MRTFB: variants seen among roughly 807,000 people sequenced by gnomAD.
MRTFB encodes myocardin-related transcription factor B.
Under a neutral mutation model 104.2 loss-of-function variants are expected in MRTFB, and 29 were observed. That is an observed-to-expected ratio of 0.28 (90% CI 0.21 to 0.38). The LOEUF is 0.38. Among genes scored for constraint, MRTFB ranks in the 10% least tolerant of loss-of-function variants. The pLI, the probability that MRTFB is intolerant of heterozygous loss-of-function variation, is 1.00. For synonymous variants in MRTFB, 535 were observed against 519.5 expected, an observed-to-expected ratio of 1.03 and a Z score of -0.41; for missense variants, 1,270 against 1,341.6, an observed-to-expected ratio of 0.95 and a Z score of 0.83.
At chr16:14,149,713 A>G (rs889798855) in intron 3 of MRTFB, among the ~76,000 whole-genome samples, 3 of 152,230 alleles carry the variant, frequency 2.0e-5, no homozygotes, top group Non-Finnish European at 4.4e-5. Context: ...CCTCTAGTAC[A>G]ATGTTGAAAG....
At chr16:14,113,899 T>C (rs1177420980) in intron 2 of MRTFB, among the ~76,000 whole-genome samples, 1 of 152,248 alleles carries the variant, frequency 6.6e-6, no homozygotes, top group Non-Finnish European at 1.5e-5. Context: ...TCTGGTTTCA[T>C]AGGTCTCTTG....
the MRTFB span, among the ~76,000 whole-genome samples, chr16:14,060,990 C>CA: frequency 6.6e-6 from 1 of 152,094 alleles, no homozygotes; most frequent in East Asian, 1.9e-4. Flanking sequence ...ACTAAAAATA[C>CA]AAAAACTTAG....
At chr16:14,146,301 T>C (rs1281669506) in intron 3 of MRTFB, among the ~76,000 whole-genome samples, 1 of 152,184 alleles carries the variant, frequency 6.6e-6, no homozygotes, top group African/African-American at 2.4e-5. Context: ...TATGAAGTAG[T>C]CAGTGTGTTT....
the MRTFB span, among the ~76,000 whole-genome samples, chr16:14,016,251 GA>G: frequency 3.3e-5 from 5 of 151,926 alleles, no homozygotes; most frequent in African/African-American, 9.7e-5. Flanking sequence ...TCTATTTAGA[GA>G]GCAGCAATCA....
At chr16:14,213,734 C>T (rs2041295531) in intron 6 of MRTFB, 114 bp downstream of exon 6, 1 of 747,978 alleles carries the variant, frequency 1.3e-6, no homozygotes, top group South Asian at 2.0e-5. Flanking sequence ...AGCCTTACTT[C>T]CTCCAAACTG....
Position 14,143,307 on chromosome 16 carries a change from GTTA to G in MRTFB, c.154+2553_154+2555del, listed in dbSNP as rs2038112403. 2.6e-5 allele frequency: 4 copies of G among 151,724 alleles called. No individual in the cohort carries two copies. The South Asian group carries it at 8.3e-4, about 32-fold the overall frequency. The allele number at this position is 151,724 out of a possible 1,614,324, so 9.4% of individuals were successfully genotyped here. A position where few individuals can be genotyped will look rare whatever the true frequency, so the allele number is the denominator to read the frequency against. On this transcript the variant is annotated intron_variant, in intron 3 of 16. Coordinates refer to ENST00000571589, the MANE Select transcript of MRTFB (RefSeq NM_001308142.2). Reference sequence around the variant, plus strand: ...AAATAACTTAAAACTTAACCACAGTGTTATTATTGACCAATTGGGTTTAATACG... The same window carrying G: ...AAATAACTTAAAACTTAACCACAGTGTTATTGACCAATTGGGTTTAATACG...
At chr16:14,136,190 C>T (rs1484357584) in intron 2 of MRTFB, among the ~76,000 whole-genome samples, 2 of 151,944 alleles carry the variant, frequency 1.3e-5, no homozygotes, top group Admixed American at 6.6e-5. Flanking sequence ...ACTAGAATCA[C>T]TTGAACCTGG....
the MRTFB span, among the ~76,000 whole-genome samples, chr16:14,022,620 G>A: frequency 6.6e-6 from 1 of 152,008 alleles, no homozygotes; most frequent in Non-Finnish European, 1.5e-5. Context: ...TGATCAAGAT[G>A]GTCTCAATCT....
At chr16:14,083,575 A>T (rs915152381) in intron 2 of MRTFB, among the ~76,000 whole-genome samples, 2 of 152,180 alleles carry the variant, frequency 1.3e-5, no homozygotes, top group Non-Finnish European at 2.9e-5. Flanking sequence ...GCAAAGTCCT[A>T]TGCTTACTTC....
chr16:14,017,711 ATTT>A, the MRTFB span, among the ~76,000 whole-genome samples: 133 of 33,590 alleles, frequency 4.0e-3, 7 homozygotes, highest in African/African-American at 0.018. Flanking sequence ...ATATATATAT[ATTT>A]TTTTTTTTTT....
chr16:14,170,907 C>T (rs956909705), intron 3 of MRTFB, among the ~76,000 whole-genome samples: 1 of 152,150 alleles, frequency 6.6e-6, no homozygotes, highest in African/African-American at 2.4e-5. Flanking sequence ...CATTTGTTAA[C>T]AGATGACTTT....
At chr16:14,252,063 G>A (rs371135228) in intron 14 of MRTFB, 40 bp downstream of exon 14, 8 of 1,602,434 alleles carry the variant, frequency 5.0e-6, no homozygotes, top group African/African-American at 1.3e-5. Context: ...CAGTGCCGCA[G>A]GGGCATCAAA....
In MRTFB at chr16:14,146,199, A is replaced by G. The variant is rs144078341; in HGVS notation, c.154+5439A>G. Among the ~76,000 whole-genome samples the G allele has an allele frequency of 8.0e-3, 1,223 of 152,372 alleles. 10 individuals are homozygous for G. Among genetic ancestry groups the G allele is most frequent in the Non-Finnish European group, 0.013 (894 of 68,030 alleles). Reference sequence around the variant, plus strand: ...CAGTCATGTTGACATGGTCACAGAAATAGCACAGGCCAGCTGATTTAGACT... The same window carrying G: ...CAGTCATGTTGACATGGTCACAGAAGTAGCACAGGCCAGCTGATTTAGACT... On this transcript the variant is annotated intron_variant, in intron 3 of 16. Coordinates refer to ENST00000571589, the MANE Select transcript of MRTFB (RefSeq NM_001308142.2).
At chr16:14,025,516 C>A in the MRTFB span, among the ~76,000 whole-genome samples, 6 of 152,126 alleles carry the variant, frequency 3.9e-5, no homozygotes, top group African/African-American at 1.4e-4. Flanking sequence ...AAATGAATAA[C>A]CTTCATGCGG....
At chr16:14,219,557 GCAT>G (rs1460942683) in intron 8 of MRTFB, among the ~76,000 whole-genome samples, 1 of 152,148 alleles carries the variant, frequency 6.6e-6, no homozygotes, top group South Asian at 2.1e-4. Context: ...GATAAGCCTG[GCAT>G]CATAGAATTT....
At position 14,077,205 on chromosome 16, in the gene MRTFB, G is replaced by A. The variant is rs140637250; in HGVS notation, c.-128-2085G>A. ...CCTCCACGATTTCTGGAATCTGCCC[G>A]TGTTTTCTTTTAGTGCTTTTATGGT... is the stretch of plus-strand genomic sequence containing the variant. On this transcript the variant is annotated intron_variant, in intron 1 of 16. Coordinates refer to ENST00000571589, the MANE Select transcript of MRTFB (RefSeq NM_001308142.2). 1.8e-3 allele frequency among the ~76,000 whole-genome samples: 269 copies of A among 152,270 alleles called. 1 individual carries two copies. The highest frequency in any genetic ancestry group is 5.9e-3 in the African/African-American group (247 of 41,558).
chr16:14,253,142 G>T (rs1192871970), intron 15 of MRTFB, among the ~76,000 whole-genome samples: 4 of 152,152 alleles, frequency 2.6e-5, no homozygotes, highest in Non-Finnish European at 5.9e-5. Context: ...AGAAGTTAGG[G>T]TTCCTATTTG....
intron 3 of MRTFB, among the ~76,000 whole-genome samples, chr16:14,192,061 C>T (rs560924318): frequency 1.1e-4 from 17 of 152,092 alleles, no homozygotes; most frequent in Non-Finnish European, 2.4e-4. Context: ...TACAAGTGAG[C>T]TGCCACTAAA....
chr16:14,071,164 G>A (rs1458130110), upstream of MRTFB, among the ~76,000 whole-genome samples: 5 of 152,172 alleles, frequency 3.3e-5, no homozygotes, highest in Non-Finnish European at 7.4e-5. Flanking sequence ...CGGAGTGCAC[G>A]CAGGGACGGA....
Sources: allele counts gnomAD v4.1 joint callset (sites outside exome capture counted in the v4.1 genomes callset), GRCh38; gene constraint gnomAD v4.1.1; transcripts MANE v1.5; gene names NCBI Gene and HGNC (gene_info 2026-07-23, HGNC 2026-07-21).